Variants in DMPK observed in about 807,000 individuals in gnomAD.
DMPK encodes DM1 protein kinase.
In DMPK, 32 loss-of-function variants were observed where a neutral mutation model predicts 70.3. The ratio of observed to expected loss-of-function variants is 0.46; its 90% CI spans 0.34 to 0.61. The LOEUF is 0.61. DMPK is among the 20% of genes least tolerant of loss of function. The pLI, the probability that DMPK is intolerant of heterozygous loss-of-function variation, is 0.01. For missense variants in DMPK, 899 were observed against 886.0 expected (o/e 1.01, Z -0.19); for synonymous variants, 469 against 390.9 (o/e 1.20, Z -2.36).
chr19:45,769,807 C>T lies in DMPK; in HGVS notation c.*681G>A, dbSNP rs910904995. Reference sequence around the variant, plus strand: ...AATAAATACCGAGGAATGTCGGGGTCTCAGTGCATCCAAAACGTGGATTGG... The same window carrying T: ...AATAAATACCGAGGAATGTCGGGGTTTCAGTGCATCCAAAACGTGGATTGG... On this transcript the variant is annotated 3_prime_UTR_variant, in exon 15 of 15. Transcript: ENST00000291270. 1.0e-4 allele frequency: 22 copies of T among 211,124 alleles called. No homozygotes were observed. The highest frequency in any genetic ancestry group is 5.2e-4 in the African/African-American group (22 of 42,018). The allele number at this position is 211,124 out of a possible 1,614,324, so 13.1% of individuals were successfully genotyped here. A position where few individuals can be genotyped will look rare whatever the true frequency, so the allele number is the denominator to read the frequency against.
In DMPK at chr19:45,770,253, C is replaced by T. The variant is rs1969289406; in HGVS notation, c.*235G>A. The T allele has an allele frequency of 6.8e-6, 4 of 588,752 alleles. No homozygotes were observed. Among genetic ancestry groups the T allele is most frequent in the East Asian group, 3.9e-5 (1 of 25,690 alleles). 36.5% of individuals were successfully genotyped at this position (588,752 alleles called of 1,614,324 possible). ...GCAGCAGCAGCAGCAGCAGCAGCAG[C>T]AGCAGCAGCAGCATTCCCGGCTACA... On this transcript the variant is annotated 3_prime_UTR_variant, in exon 15 of 15. Coordinates refer to ENST00000291270, the MANE Select transcript of DMPK (RefSeq NM_004409.5).
At position 45,778,536 on chromosome 19, in the gene DMPK, C is replaced by G. The variant is rs1969912983; in HGVS notation, c.538G>C (p.Val180Leu). The G allele has an allele frequency of 1.2e-6, 2 of 1,613,992 alleles. No individual in the cohort carries two copies. The highest frequency in any genetic ancestry group is 1.7e-6 in the Non-Finnish European group (2 of 1,180,032). ...CGGTGCACCGAGTCTATGGCCATGA[C>G]AATCTCCGCCAGGTAGAAGCGCGCC... ...EMARFYLAEI[V>L]MAIDSVHRLG... Residue 180 changes from valine (V) to leucine (L), a missense_variant, in exon 5 of 15, where the codon GTC (valine) becomes CTC (leucine). By Grantham distance (32) the Val-to-Leu change is conservative (BLOSUM62 1). Coordinates refer to ENST00000291270, the MANE Select transcript of DMPK (RefSeq NM_004409.5).
chr19:45,777,733 G>C lies in DMPK; in HGVS notation c.816C>G (p.Phe272Leu). ...WALGVFAYEMFYGQTPFYADS... is the reference protein window; with the variant it reads ...WALGVFAYEMLYGQTPFYADS... ...CCGCGTAGAAGGGCGTCTGCCCATA[G>C]AACATTTCATAGGCGAATACACCCA... The change falls in exon 7 of 15, where the codon TTC becomes TTG. Residue 272 changes from phenylalanine to leucine, a missense_variant. Physicochemically the swap from Phe to Leu is conservative, Grantham distance 22. This residue lies in a region of DMPK where 195 missense variants were observed against 259.7 expected (regional missense o/e 0.75). Transcript: ENST00000291270. The surrounding 1 kb of genome is among the most constrained non-coding windows in gnomAD (Gnocchi z 6.7). 2 of 1,613,870 alleles carry C rather than the reference G, an allele frequency of 1.2e-6. No individual in the cohort carries two copies. Among genetic ancestry groups the C allele is most frequent in the African/African-American group, 1.3e-5 (1 of 75,056 alleles).
chr19:45,780,398 GA>G, intron 1 of DMPK: 1 of 1,422,514 alleles, frequency 7.0e-7, no homozygotes. Flanking sequence ...GAAGGAACAG[GA>G]CAGGGAGACA....
chr19:45,778,727 A>G, intron 4 of DMPK, 86 bp from the exon 5 acceptor site: 1 of 1,418,198 alleles, frequency 7.1e-7, no homozygotes, highest in Admixed American at 2.0e-5. Flanking sequence ...TCCCAGAGAC[A>G]CCCCATCCTT....
rs1363506547 is a variant in DMPK, at chr19:45,779,356, A to G, written c.340T>C (p.Ser114Pro). The G allele has an allele frequency of 6.2e-7, 1 of 1,614,002 alleles. No homozygotes were observed. The highest frequency in any genetic ancestry group is 8.5e-7 in the Non-Finnish European group (1 of 1,180,012). The change falls in exon 4 of 15, where the codon TCG becomes CCG. Residue 114 changes from serine (S) to proline (P), a missense_variant. This residue lies in a region of DMPK where 195 missense variants were observed against 259.7 expected (regional missense o/e 0.75). Transcript: ENST00000291270. ...KWDMLKRGEV[S>P]CFREERDVLV... ...ACGTCCCTCTCCTCACGGAAGCACG[A>G]CACCTGCAGGGCACCCGGAGGAGCT...
rs1449582229 is a variant in DMPK at position 45,770,633 on chromosome 19, C to T, written c.1745G>A (p.Arg582Lys). ...GGAAAGCGCCTCCGATAGGCCAGGCCTAGGGACCTGCGGGGAGAGGGCGAG... is the reference window on the plus strand; with the variant it reads ...GGAAAGCGCCTCCGATAGGCCAGGCTTAGGGACCTGCGGGGAGAGGGCGAG... ...RHLLLPARVP[R>K]PGLSEALSLL... Residue 582 changes from arginine (R) to lysine (K), a missense_variant, in exon 15 of 15, where the codon AGG becomes AAG. Coordinates refer to ENST00000291270, the MANE Select transcript of DMPK (RefSeq NM_004409.5). The T allele has an allele frequency of 1.9e-6, 3 of 1,551,788 alleles. No individual in the cohort carries two copies. Among genetic ancestry groups the T allele is most frequent in the South Asian group, 1.2e-5 (1 of 84,088 alleles).
chr19:45,771,086 C>T (rs1230539930), intron 13 of DMPK, 26 bp from the exon 14 acceptor site: 10 of 1,504,304 alleles, frequency 6.6e-6, no homozygotes, highest in African/African-American at 4.2e-5. Context: ...ACAGGTGACC[C>T]GATCGGAGCC....
At position 45,779,666 on chromosome 19, in the gene DMPK, G is replaced by T. The variant is rs374693463; in HGVS notation, c.252+112C>A. 2.2e-4 allele frequency: 335 copies of T among 1,549,914 alleles called. No homozygotes were observed. In the East Asian group the frequency reaches 4.2e-3, roughly 19 times the overall value. On this transcript the variant is annotated intron_variant, in intron 2 of 14. Transcript: ENST00000291270. ...CCATTGGTCCCAAGCCCCGCCTCCA[G>T]CCCAGCCCTAGGTTCTAAGGCTCGG...
Position 45,770,655 on chromosome 19 carries a change from C to G in DMPK, c.1738-15G>C, listed in dbSNP as rs535969966. On this transcript the variant is annotated splice_polypyrimidine_tract_variant and intron_variant, in intron 14 of 14. Transcript: ENST00000291270. ...GGCCTAGGGACCTGCGGGGAGAGGG[C>G]GAGGTCAACACCCGGCATGGGCCTC... 3.4e-5 allele frequency: 53 copies of G among 1,549,534 alleles called. No homozygotes were observed. In the East Asian group the frequency reaches 1.2e-3, roughly 35 times the overall value.
intron 9 of DMPK, among the ~76,000 whole-genome samples, chr19:45,773,940 G>C (rs981779621): frequency 6.6e-6 from 1 of 151,148 alleles, no homozygotes; most frequent in Non-Finnish European, 1.5e-5. Context: ...ACCATGCCCA[G>C]CCTGTAAATT....
intron 1 of DMPK, among the ~76,000 whole-genome samples, chr19:45,781,032 GAGA>G (rs1970087860): frequency 1.3e-5 from 2 of 152,202 alleles, no homozygotes; most frequent in Non-Finnish European, 2.9e-5. Context: ...GGGAGGTTGG[GAGA>G]AGGTTTTTCC....
In DMPK at chr19:45,770,607, G is replaced by T; in HGVS notation, c.1771C>A (p.Leu591Met). 1.3e-6 allele frequency: 2 copies of T among 1,553,026 alleles called. No individual in the cohort carries two copies. The highest frequency in any genetic ancestry group is 1.7e-6 in the Non-Finnish European group (2 of 1,148,366). Residue 591 changes from leucine to methionine, a missense_variant, in exon 15 of 15, where the codon CTG becomes ATG. Leu to Met is a conservative substitution (Grantham distance 15). This residue lies in a region of DMPK where 555 missense variants were observed against 483.8 expected (regional missense o/e 1.15). Coordinates refer to ENST00000291270, the MANE Select transcript of DMPK (RefSeq NM_004409.5). ...GACAGAACAACGGCGAACAGGAGCAGGGAAAGCGCCTCCGATAGGCCAGGC... is the reference window on the plus strand; with the variant it reads ...GACAGAACAACGGCGAACAGGAGCATGGAAAGCGCCTCCGATAGGCCAGGC... Reference protein sequence around the residue: ...PRPGLSEALSLLLFAVVLSRA... With the variant: ...PRPGLSEALSMLLFAVVLSRA...
intron 5 of DMPK, 99 bp downstream of exon 5, chr19:45,778,394 A>G (rs1204748666): frequency 2.0e-6 from 3 of 1,496,428 alleles, no homozygotes; most frequent in Non-Finnish European, 2.7e-6. Flanking sequence ...GCCCCAACCA[A>G]GAAGGTCCCT....
chr19:45,778,554 A>G lies in DMPK; in HGVS notation c.520T>C (p.Phe174Leu). ...GCCATGACAATCTCCGCCAGGTAGA[A>G]GCGCGCCATCTCGGCCGGAATCCGC... ...GERIPAEMAR[F>L]YLAEIVMAID... The change falls in exon 5 of 15, where the codon TTC becomes CTC. Residue 174 changes from phenylalanine to leucine, a missense_variant. Physicochemically the swap from Phe to Leu is conservative, Grantham distance 22. Coordinates refer to ENST00000291270, the MANE Select transcript of DMPK (RefSeq NM_004409.5). 1.9e-6 allele frequency: 3 copies of G among 1,613,974 alleles called. No individual in the cohort carries two copies. Among genetic ancestry groups the G allele is most frequent in the Non-Finnish European group, 2.5e-6 (3 of 1,180,020 alleles).
In DMPK at chr19:45,779,508, C is replaced by T. The variant is rs113426968; in HGVS notation, c.267G>A (p.Lys89=). 1.1e-4 allele frequency: 185 copies of T among 1,613,842 alleles called. No homozygotes were observed. The African/African-American group carries it at 2.1e-3, about 18-fold the overall frequency. Reference sequence around the variant, plus strand: ...CATACACCTGGCCCGTCTGCTTCATCTTCACTACCGCTACCTGAGGTCGAG... The same window carrying T: ...CATACACCTGGCCCGTCTGCTTCATTTTCACTACCGCTACCTGAGGTCGAG... ...RGAFSEVAVV[K]MKQTGQVYAM... is the part of the protein sequence containing the mutation. Residue 89 remains lysine, a synonymous_variant, in exon 3 of 15, where the codon AAG becomes AAA. Transcript: ENST00000291270.
intron 13 of DMPK, 94 bp from the exon 14 acceptor site, chr19:45,771,154 T>C (rs747776795): frequency 8.4e-7 from 1 of 1,195,720 alleles, no homozygotes; most frequent in Non-Finnish European, 1.2e-6. Flanking sequence ...GTTGGGGAGG[T>C]TATCTAGGGA....
intron 13 of DMPK, 122 bp downstream of exon 13, chr19:45,771,228 T>C (rs1969412651): frequency 7.4e-7 from 1 of 1,351,376 alleles, no homozygotes. Context: ...AAAGGGCTTC[T>C]GCCCTCTAAA....
intron 4 of DMPK, chr19:45,778,918 C>A (rs1007362714): frequency 7.1e-6 from 4 of 563,406 alleles, no homozygotes; most frequent in African/African-American, 5.7e-5. Context: ...AACCCAGAGG[C>A]CACCCAACAC....
Sources: allele counts gnomAD v4.1 joint callset (sites outside exome capture counted in the v4.1 genomes callset), GRCh38; gene constraint gnomAD v4.1.1; regional missense constraint gnomAD v4.1.1; non-coding constraint Gnocchi (gnomAD v3.1); transcripts MANE v1.5; gene names NCBI Gene and HGNC (gene_info 2026-07-23, HGNC 2026-07-21).